Variants in RAI14 observed in about 807,000 individuals in gnomAD.
RAI14 encodes the protein ankycorbin.
Under a neutral mutation model 115.4 loss-of-function variants are expected in RAI14, and 45 were observed. That is an observed-to-expected ratio of 0.39 (90% CI 0.31 to 0.50). RAI14 has a LOEUF of 0.50. RAI14 is among the 20% of genes least tolerant of loss of function. The probability of loss-of-function intolerance (pLI) is 0.85; values close to 1 mark genes in which losing one functional copy is unlikely to be tolerated. For synonymous variants in RAI14, 371 were observed against 415.4 expected, an observed-to-expected ratio of 0.89 and a Z score of 1.30; for missense variants, 939 against 1,131.2, an observed-to-expected ratio of 0.83 and a Z score of 2.44.
intron 2 of RAI14, among the ~76,000 whole-genome samples, chr5:34,701,553 A>G (rs1300019260): frequency 2.6e-5 from 4 of 152,058 alleles, no homozygotes; most frequent in African/African-American, 7.2e-5. Flanking sequence ...AACTCAACCA[A>G]TTGTCAACCA....
intron 2 of RAI14, among the ~76,000 whole-genome samples, chr5:34,722,010 C>T (rs1387541150): frequency 6.6e-6 from 1 of 152,120 alleles, no homozygotes; most frequent in Non-Finnish European, 1.5e-5. Context: ...CTGTGCCTGG[C>T]CTTGGCTGGA....
At chr5:34,811,992 A>G in intron 9 of RAI14, 47 bp downstream of exon 9, 4 of 1,476,932 alleles carry the variant, frequency 2.7e-6, no homozygotes, top group Non-Finnish European at 2.8e-6. Context: ...TATCCACTCC[A>G]TTTTCCCCAA....
chr5:34,777,738 T>C (rs143396880), intron 3 of RAI14, among the ~76,000 whole-genome samples: 4,605 of 151,864 alleles, frequency 0.03, 240 homozygotes, highest in African/African-American at 0.1. Flanking sequence ...GAGATCGTGC[T>C]ATTGCACTCC....
At position 34,814,666 on chromosome 5, in the gene RAI14, C is replaced by G; in HGVS notation, c.936C>G (p.Phe312Leu). The stretch of plus-strand genomic sequence containing the variant: ...CGGTATTTTTTGCTGAACCACCCTT[C>G]AAGGTATTTCCTTTCTGTATTCAGT... ...KESVFFAEPPFKAEISSIREN... is the reference protein window; with the variant it reads ...KESVFFAEPPLKAEISSIREN... The change falls in exon 12 of 18, where the codon TTC (phenylalanine) becomes TTG (leucine). Residue 312 changes from phenylalanine (F) to leucine (L), a missense_variant. Phe to Leu is a conservative substitution (Grantham distance 22). Transcript: ENST00000265109. 6.3e-7 allele frequency: 1 copy of G among 1,599,562 alleles called. No homozygotes were observed. Among genetic ancestry groups the G allele is most frequent in the Non-Finnish European group, 8.6e-7 (1 of 1,166,872 alleles).
intron 1 of RAI14, among the ~76,000 whole-genome samples, chr5:34,683,876 C>G (rs879808336): frequency 6.6e-6 from 1 of 152,102 alleles, no homozygotes; most frequent in African/African-American, 2.4e-5. Context: ...TACAGGCGCC[C>G]GCCATCACGC....
chr5:34,666,636 GACGTCC>G (rs1743242937), intron 1 of RAI14, among the ~76,000 whole-genome samples: 2 of 152,216 alleles, frequency 1.3e-5, no homozygotes, highest in African/African-American at 4.8e-5. Context: ...CACCTTGGGT[GACGTCC>G]TCAAGCCATT....
intron 2 of RAI14, among the ~76,000 whole-genome samples, chr5:34,707,432 C>T (rs952486078): frequency 6.6e-6 from 1 of 152,208 alleles, no homozygotes; most frequent in Non-Finnish European, 1.5e-5. Flanking sequence ...CACGCTACTG[C>T]ACTCCAGCCT....
chr5:34,742,892 G>T lies in RAI14; in HGVS notation c.37-14576G>T, dbSNP rs112552948. Among the ~76,000 whole-genome samples, 396 of 152,242 alleles carry T rather than the reference G, an allele frequency of 2.6e-3. 2 individuals are homozygous for T. Among genetic ancestry groups the T allele is most frequent in the African/African-American group, 9.2e-3 (382 of 41,530 alleles). On this transcript the variant is annotated intron_variant, in intron 2 of 17. Coordinates refer to ENST00000265109, the MANE Select transcript of RAI14 (RefSeq NM_015577.3). ...CTTGTCCAGGCGGTCTTGAACTCCT[G>T]ACCTCGTGATCCACCCGCCTTGGCC... is the stretch of plus-strand genomic sequence containing the variant.
chr5:34,786,926 T>G (rs554526720), intron 3 of RAI14, among the ~76,000 whole-genome samples: 1 of 152,220 alleles, frequency 6.6e-6, no homozygotes, highest in South Asian at 2.1e-4. Context: ...TAAGATTTAC[T>G]AAAAGTATTC....
At chr5:34,749,177 C>T (rs549635767) in intron 2 of RAI14, among the ~76,000 whole-genome samples, 1 of 152,340 alleles carries the variant, frequency 6.6e-6, no homozygotes, top group South Asian at 2.1e-4. Flanking sequence ...AGTCTCCTCA[C>T]CGAAAACTGG....
intron 2 of RAI14, among the ~76,000 whole-genome samples, chr5:34,704,322 A>G (rs1016195276): frequency 2.0e-5 from 3 of 152,214 alleles, no homozygotes; most frequent in African/African-American, 7.2e-5. Flanking sequence ...GTAGAGATGA[A>G]CACTTCCGTC....
chr5:34,791,823 G>A lies in RAI14; in HGVS notation c.168-4116G>A, dbSNP rs1027057102. Among the ~76,000 whole-genome samples the A allele has an allele frequency of 1.1e-4, 17 of 152,332 alleles. No individual in the cohort carries two copies. The highest frequency in any genetic ancestry group is 1.9e-4 in the East Asian group (1 of 5,188). On this transcript the variant is annotated intron_variant, in intron 3 of 17. Transcript: ENST00000265109. The surrounding 1 kb of genome is among the most constrained non-coding windows in gnomAD (Gnocchi z 5.4). ...CTGCAGCTGTGGCTGTGGGAGAGCC[G>A]GCCTGCAAAGCTGTGGCCTTCACAG...
chr5:34,809,664 A>G (rs1293266778), intron 7 of RAI14, among the ~76,000 whole-genome samples: 1 of 152,038 alleles, frequency 6.6e-6, no homozygotes, highest in Non-Finnish European at 1.5e-5. Flanking sequence ...AAACATTAGT[A>G]AAACATTTTG....
At chr5:34,743,188 A>G (rs1444391595) in intron 2 of RAI14, among the ~76,000 whole-genome samples, 2 of 152,142 alleles carry the variant, frequency 1.3e-5, no homozygotes, top group African/African-American at 4.8e-5. Context: ...TGGCTTAAAC[A>G]ATGGATGCCT....
intron 2 of RAI14, among the ~76,000 whole-genome samples, chr5:34,712,675 C>T (rs1012188372): frequency 3.9e-5 from 6 of 152,128 alleles, no homozygotes; most frequent in Non-Finnish European, 8.8e-5. Flanking sequence ...AGATACACTA[C>T]GACAGTTTTT....
Position 34,693,992 on chromosome 5 carries a change from A to G in RAI14, c.36+7037A>G, listed in dbSNP as rs116795425. On this transcript the variant is annotated intron_variant, in intron 2 of 17. Coordinates refer to ENST00000265109, the MANE Select transcript of RAI14 (RefSeq NM_015577.3). ...CTGCTTCTGCTCTTCCAGTGGTGCCAGTAAAACATCTCTGTCTACGTGGAG... is the reference window on the plus strand; with the variant it reads ...CTGCTTCTGCTCTTCCAGTGGTGCCGGTAAAACATCTCTGTCTACGTGGAG... Among the ~76,000 whole-genome samples, 775 of 152,350 alleles carry G rather than the reference A, an allele frequency of 5.1e-3. 12 individuals are homozygous for G. Among genetic ancestry groups the G allele is most frequent in the African/African-American group, 0.018 (745 of 41,580 alleles).
At chr5:34,692,671 G>A (rs1738784318) in intron 2 of RAI14, among the ~76,000 whole-genome samples, 2 of 151,916 alleles carry the variant, frequency 1.3e-5, no homozygotes, top group Admixed American at 1.3e-4. Context: ...CTGGGTGGAG[G>A]TAGGAGACTT....
chr5:34,680,283 A>C (rs920840688), intron 1 of RAI14, among the ~76,000 whole-genome samples: 4 of 152,294 alleles, frequency 2.6e-5, no homozygotes, highest in Admixed American at 2.0e-4. Flanking sequence ...CAGAGAAAAG[A>C]AGCTTATTGG....
chr5:34,750,932 A>G (rs2150072026), intron 2 of RAI14, among the ~76,000 whole-genome samples: 1 of 132,752 alleles, frequency 7.5e-6, no homozygotes, highest in South Asian at 2.3e-4. Flanking sequence ...AGCTCACCAC[A>G]ACCTTTGCCT....
Sources: allele counts gnomAD v4.1 joint callset (sites outside exome capture counted in the v4.1 genomes callset), GRCh38; gene constraint gnomAD v4.1.1; non-coding constraint Gnocchi (gnomAD v3.1); transcripts MANE v1.5; gene names NCBI Gene and HGNC (gene_info 2026-07-23, HGNC 2026-07-21).